CDK5RAP2: variants seen among roughly 807,000 people sequenced by gnomAD.
CDK5RAP2 encodes the protein CDK5 regulatory subunit associated protein 2, also known as CDK5 regulatory subunit-associated protein 2.
In CDK5RAP2, 147 loss-of-function variants were observed where a neutral mutation model predicts 232.9. The observed-to-expected ratio is 0.63, with a 90% CI of 0.55 to 0.72. The LOEUF is 0.72. CDK5RAP2 is among the 30% of genes least tolerant of loss of function. The pLI, the probability that CDK5RAP2 is intolerant of heterozygous loss-of-function variation, is 0.00. For missense variants in CDK5RAP2, 2,195 were observed against 2,231.5 expected, an observed-to-expected ratio of 0.98 and a Z score of 0.33; for synonymous variants, 833 against 833.7, an observed-to-expected ratio of 1.00 and a Z score of 0.01.
chr9:120,536,466 C>A lies in CDK5RAP2; in HGVS notation c.568G>T (p.Ala190Ser). Residue 190 changes from alanine (A) to serine (S), a missense_variant, in exon 7 of 38, where the codon GCT (alanine) becomes TCT (serine). Ala to Ser is a moderately conservative substitution (Grantham distance 99). Transcript: ENST00000349780. The part of the protein sequence containing the change: ...KAFAGTETEK[A>S]LRLRLESKLS... ...TTGCTTTCCAAACGCAACCGAAGAG[C>A]CTTCTCCGTCTCTGTCCCTGCAAAG... 1 of 1,614,190 alleles carries A rather than the reference C, an allele frequency of 6.2e-7. No individual in the cohort carries two copies. Among genetic ancestry groups the A allele is most frequent in the Non-Finnish European group, 8.5e-7 (1 of 1,180,024 alleles).
chr9:120,503,885 C>G (rs1436497883), intron 12 of CDK5RAP2, among the ~76,000 whole-genome samples: 1 of 152,092 alleles, frequency 6.6e-6, no homozygotes, highest in Non-Finnish European at 1.5e-5. Flanking sequence ...CAGCTCTTGC[C>G]CCTCCCTCTC....
chr9:120,414,185 C>T (rs1014661930), intron 28 of CDK5RAP2, among the ~76,000 whole-genome samples: 19 of 152,250 alleles, frequency 1.2e-4, no homozygotes, highest in Non-Finnish European at 2.4e-4. Flanking sequence ...CTACTCATAA[C>T]ATTGCCTCAT....
At chr9:120,571,164 ATAAAAAG>A (rs2042842622) in intron 2 of CDK5RAP2, among the ~76,000 whole-genome samples, 1 of 152,242 alleles carries the variant, frequency 6.6e-6, no homozygotes, top group African/African-American at 2.4e-5. Flanking sequence ...TCTCAAAAAA[ATAAAAAG>A]TAAAAATAAA....
intron 23 of CDK5RAP2, among the ~76,000 whole-genome samples, chr9:120,442,220 G>A (rs536349450): frequency 7.9e-5 from 12 of 152,314 alleles, no homozygotes; most frequent in African/African-American, 2.6e-4. Flanking sequence ...TAGGTAAGCA[G>A]TAGAGCCCCT....
intron 12 of CDK5RAP2, among the ~76,000 whole-genome samples, chr9:120,517,374 C>T (rs539401353): frequency 6.6e-6 from 1 of 152,286 alleles, no homozygotes; most frequent in South Asian, 2.1e-4. Context: ...CACCAGAGAA[C>T]TAACCACTGG....
At chr9:120,401,941 AC>A (rs1347900113) in intron 34 of CDK5RAP2, among the ~76,000 whole-genome samples, 2 of 151,964 alleles carry the variant, frequency 1.3e-5, no homozygotes, top group Non-Finnish European at 1.5e-5. Context: ...CCAAGATCGC[AC>A]CACTGAACTC....
chr9:120,394,856 C>T (rs766272647), intron 35 of CDK5RAP2, among the ~76,000 whole-genome samples: 2 of 152,166 alleles, frequency 1.3e-5, no homozygotes, highest in African/African-American at 2.4e-5. Context: ...GGTGGAAGTG[C>T]GGGATGGCAT....
Position 120,389,804 on chromosome 9 carries a change from G to T in CDK5RAP2, c.5579-17C>A. 2 of 1,613,306 alleles carry T rather than the reference G, an allele frequency of 1.2e-6. No individual in the cohort carries two copies. The highest frequency in any genetic ancestry group is 1.7e-6 in the Non-Finnish European group (2 of 1,179,212). ...TTACGACCACTGAGGAGAGAGCAAAGAATGCAATGATTAGGGCCATGGATA... is the reference window on the plus strand; with the variant it reads ...TTACGACCACTGAGGAGAGAGCAAATAATGCAATGATTAGGGCCATGGATA... On this transcript the variant is annotated splice_polypyrimidine_tract_variant and intron_variant, in intron 36 of 37. Transcript: ENST00000349780.
At chr9:120,521,647 T>TC (rs2040663085) in intron 11 of CDK5RAP2, among the ~76,000 whole-genome samples, 2 of 143,614 alleles carry the variant, frequency 1.4e-5, no homozygotes, top group African/African-American at 5.3e-5. Context: ...TCTTTTTCTT[T>TC]TTTTTTTTTT....
At chr9:120,447,867 C>T in intron 22 of CDK5RAP2, 28 bp downstream of exon 22, 1 of 1,516,678 alleles carries the variant, frequency 6.6e-7, no homozygotes, top group African/African-American at 1.4e-5. Flanking sequence ...GTCTAGCTCA[C>T]AGGGAATACA....
intron 25 of CDK5RAP2, among the ~76,000 whole-genome samples, chr9:120,436,353 A>C (rs920420819): frequency 1.3e-5 from 2 of 152,198 alleles, no homozygotes; most frequent in African/African-American, 2.4e-5. Flanking sequence ...AGGGTGAGGA[A>C]CTACTCCGGA....
intron 20 of CDK5RAP2, among the ~76,000 whole-genome samples, chr9:120,456,761 C>A (rs1396635887): frequency 6.6e-6 from 1 of 152,088 alleles, no homozygotes; most frequent in African/African-American, 2.4e-5. Context: ...AAAGGAGGAC[C>A]ATTACTCACC....
chr9:120,573,645 C>T (rs189811812), intron 1 of CDK5RAP2, among the ~76,000 whole-genome samples: 86 of 151,684 alleles, frequency 5.7e-4, no homozygotes, highest in Admixed American at 1.2e-3. Flanking sequence ...CAAATATATA[C>T]AGTACATAAA....
At chr9:120,553,385 A>C (rs1037337042) in intron 3 of CDK5RAP2, among the ~76,000 whole-genome samples, 2 of 152,176 alleles carry the variant, frequency 1.3e-5, no homozygotes, top group Non-Finnish European at 2.9e-5. Flanking sequence ...TGCTTCTATC[A>C]CCATGTTTAA....
intron 4 of CDK5RAP2, among the ~76,000 whole-genome samples, chr9:120,547,270 G>C (rs533621561): frequency 6.6e-6 from 1 of 152,050 alleles, no homozygotes; most frequent in African/African-American, 2.4e-5. Context: ...GATTACAGGC[G>C]TGAGCCACCG....
intron 27 of CDK5RAP2, among the ~76,000 whole-genome samples, chr9:120,417,263 G>A (rs533146020): frequency 1.5e-5 from 2 of 136,058 alleles, no homozygotes; most frequent in South Asian, 2.4e-4. Flanking sequence ...TAAACTCTAG[G>A]TGCCCAGGCA....
intron 25 of CDK5RAP2, among the ~76,000 whole-genome samples, chr9:120,433,733 T>C (rs1444753310): frequency 6.6e-6 from 1 of 152,220 alleles, no homozygotes; most frequent in Non-Finnish European, 1.5e-5. Flanking sequence ...ATAATACAAG[T>C]AGCTCTAGTA....
At chr9:120,514,510 G>A (rs1480309554) in intron 12 of CDK5RAP2, among the ~76,000 whole-genome samples, 1 of 152,164 alleles carries the variant, frequency 6.6e-6, no homozygotes, top group Non-Finnish European at 1.5e-5. Context: ...TTCCTCTTCT[G>A]CAGTAAATCG....
intron 35 of CDK5RAP2, among the ~76,000 whole-genome samples, chr9:120,398,325 C>T (rs930298955): frequency 6.6e-6 from 1 of 152,078 alleles, no homozygotes; most frequent in African/African-American, 2.4e-5. Flanking sequence ...AAAGTATTTG[C>T]TTTATCTTAT....
Sources: gnomAD v4.1 joint callset for allele counts (sites outside exome capture counted in the v4.1 genomes callset) on GRCh38, gnomAD v4.1.1 for gene constraint, MANE v1.5 for transcripts, NCBI Gene and HGNC (gene_info 2026-07-23, HGNC 2026-07-21) for gene names.